The following GNAQ variants were observed in gnomAD, a reference collection of about 807,000 sequenced individuals.
GNAQ encodes G protein subunit alpha q.
A neutral mutation model predicts 43.9 loss-of-function variants in GNAQ; 8 were observed. The observed-to-expected ratio is 0.18, with a 90% CI of 0.11 to 0.33. The LOEUF (loss-of-function observed/expected upper bound fraction) is 0.33, where lower values mean the gene tolerates loss of function less well. GNAQ is among the 10% of genes least tolerant of loss of function. GNAQ has a pLI of 1.00. For synonymous variants in GNAQ, 155 were observed against 170.7 expected (o/e 0.91, Z 0.71); for missense variants, 158 against 450.8 (o/e 0.35, Z 5.88).
At chr9:77,733,204 C>T (rs1825522581) in intron 5 of GNAQ, among the ~76,000 whole-genome samples, 2 of 152,154 alleles carry the variant, frequency 1.3e-5, no homozygotes, top group South Asian at 4.1e-4. Flanking sequence ...GAGTGTTCTA[C>T]CCTGACCAGT....
At chr9:77,976,837 A>G (rs1823309026) in intron 1 of GNAQ, among the ~76,000 whole-genome samples, 1 of 152,232 alleles carries the variant, frequency 6.6e-6, no homozygotes, top group African/African-American at 2.4e-5. Context: ...CCTGCTCTCC[A>G]TACATGGCAA....
At chr9:77,773,165 T>G (rs1053159391) in intron 5 of GNAQ, among the ~76,000 whole-genome samples, 2 of 152,228 alleles carry the variant, frequency 1.3e-5, no homozygotes, top group Non-Finnish European at 2.9e-5. Context: ...TTCTTTATTT[T>G]TCAGCACTTA....
At chr9:77,946,663 T>C (rs1378291195) in intron 1 of GNAQ, among the ~76,000 whole-genome samples, 1 of 152,258 alleles carries the variant, frequency 6.6e-6, no homozygotes, top group African/African-American at 2.4e-5. Flanking sequence ...AAACCTTCTC[T>C]GTATTGTTGT....
intron 1 of GNAQ, among the ~76,000 whole-genome samples, chr9:77,978,120 G>C (rs146634313): frequency 3.9e-5 from 6 of 152,038 alleles, no homozygotes; most frequent in African/African-American, 1.4e-4. Context: ...AGTGTCTCTG[G>C]GCCCATACTC....
chr9:77,858,322 G>A (rs1450732064), intron 2 of GNAQ, among the ~76,000 whole-genome samples: 3 of 152,142 alleles, frequency 2.0e-5, no homozygotes, highest in Non-Finnish European at 4.4e-5. Context: ...TACGTAGTCT[G>A]ACCTAGTTGA....
At chr9:77,857,317 C>T (rs1180886624) in intron 2 of GNAQ, among the ~76,000 whole-genome samples, 1 of 152,180 alleles carries the variant, frequency 6.6e-6, no homozygotes, top group Non-Finnish European at 1.5e-5. Flanking sequence ...CATCTCTTAG[C>T]TTTGTTAAGA....
intron 2 of GNAQ, among the ~76,000 whole-genome samples, chr9:77,835,037 A>G (rs1348877213): frequency 1.3e-5 from 2 of 152,254 alleles, no homozygotes; most frequent in South Asian, 4.2e-4. Context: ...CACAGACAGT[A>G]CTGAATCCTA....
rs547309379 is a variant in GNAQ at position 77,841,884 on chromosome 9, T to C, written c.322-26114A>G. Among the ~76,000 whole-genome samples the C allele has an allele frequency of 1.3e-4, 20 of 152,336 alleles. No homozygotes were observed. The South Asian group carries it at 3.1e-3, about 24-fold the overall frequency. ...GTTTCTTGGTAAGGTAAAACGCTTC[T>C]ATTCTGTGTCTTCAAGTTGGGAGTG... On this transcript the variant is annotated intron_variant, in intron 2 of 6. Coordinates refer to ENST00000286548, the MANE Select transcript of GNAQ (RefSeq NM_002072.5).
In GNAQ at chr9:77,716,602, G is replaced by A. The variant is rs953170956; in HGVS notation, c.*4721C>T. The A allele has an allele frequency of 9.0e-5, 21 of 232,652 alleles. No individual in the cohort carries two copies. Among genetic ancestry groups the A allele is most frequent in the African/African-American group, 2.6e-4 (12 of 45,284 alleles). The allele number at this position is 232,652 out of a possible 1,614,324, so 14.4% of individuals were successfully genotyped here. A position where few individuals can be genotyped will look rare whatever the true frequency, so the allele number is the denominator to read the frequency against. On this transcript the variant is annotated 3_prime_UTR_variant, in exon 7 of 7. Coordinates refer to ENST00000286548, the MANE Select transcript of GNAQ (RefSeq NM_002072.5). ...GTCAAAGTAACCTGGACAAAGTTAC[G>A]TAGTATTATTCCAGCTTTCTTTCCT...
At chr9:77,908,741 T>C (rs1013415027) in intron 2 of GNAQ, among the ~76,000 whole-genome samples, 1 of 152,206 alleles carries the variant, frequency 6.6e-6, no homozygotes, top group Admixed American at 6.5e-5. Flanking sequence ...CTACTGGTGA[T>C]TTCATATTGC....
intron 1 of GNAQ, among the ~76,000 whole-genome samples, chr9:78,009,965 G>C (rs1823754102): frequency 6.6e-6 from 1 of 152,198 alleles, no homozygotes; most frequent in South Asian, 2.1e-4. Context: ...ACTGGTACTG[G>C]TAGAGAAAGT....
At chr9:78,016,368 A>G (rs1823838003) in intron 1 of GNAQ, among the ~76,000 whole-genome samples, 1 of 152,166 alleles carries the variant, frequency 6.6e-6, no homozygotes, top group Admixed American at 6.5e-5. Flanking sequence ...TCTTTCCATA[A>G]AGAAAACCAT....
chr9:77,931,361 G>C (rs1829146637), intron 1 of GNAQ, among the ~76,000 whole-genome samples: 1 of 152,046 alleles, frequency 6.6e-6, no homozygotes, highest in South Asian at 2.1e-4. Context: ...GGGAGGCCGA[G>C]GCGGGCAGAT....
intron 5 of GNAQ, among the ~76,000 whole-genome samples, chr9:77,780,347 A>G (rs1826375015): frequency 6.6e-6 from 1 of 151,790 alleles, no homozygotes; most frequent in South Asian, 2.1e-4. Context: ...TTTCACATAT[A>G]AGCATATGCA....
chr9:77,803,605 A>G (rs1826781410), intron 3 of GNAQ, among the ~76,000 whole-genome samples: 2 of 152,252 alleles, frequency 1.3e-5, no homozygotes, highest in South Asian at 4.1e-4. Flanking sequence ...TGGCCATGAC[A>G]TTATGGTAGA....
rs111499418 is a variant in GNAQ at position 78,014,969 on chromosome 9, A to T, written c.136+16131T>A. Among the ~76,000 whole-genome samples the T allele has an allele frequency of 5.9e-3, 901 of 152,280 alleles. 3 individuals are homozygous for T. Among genetic ancestry groups the T allele is most frequent in the African/African-American group, 0.02 (851 of 41,542 alleles). On this transcript the variant is annotated intron_variant, in intron 1 of 6. Coordinates refer to ENST00000286548, the MANE Select transcript of GNAQ (RefSeq NM_002072.5). ...AACACATTAGTCACATGTTTGTGGTAATACTTGTGTAACAAACCTACCAAG... is the reference window on the plus strand; with the variant it reads ...AACACATTAGTCACATGTTTGTGGTTATACTTGTGTAACAAACCTACCAAG...
intron 1 of GNAQ, among the ~76,000 whole-genome samples, chr9:77,935,810 C>T (rs1036786659): frequency 2.0e-5 from 3 of 152,184 alleles, no homozygotes; most frequent in South Asian, 2.1e-4. Flanking sequence ...AGACGTGCAA[C>T]AAAATGGTAA....
At chr9:78,009,989 T>C (rs542379289) in intron 1 of GNAQ, among the ~76,000 whole-genome samples, 1 of 152,306 alleles carries the variant, frequency 6.6e-6, no homozygotes, top group South Asian at 2.1e-4. Context: ...TGAGTGCCCT[T>C]TGCACTAAAA....
intron 1 of GNAQ, among the ~76,000 whole-genome samples, chr9:77,945,684 G>C (rs1822881043): frequency 6.6e-6 from 1 of 152,128 alleles, no homozygotes; most frequent in African/African-American, 2.4e-5. Context: ...ATTCATTAAA[G>C]CTATTAATAA....
Sources: allele counts gnomAD v4.1 joint callset (sites outside exome capture counted in the v4.1 genomes callset), GRCh38; gene constraint gnomAD v4.1.1; transcripts MANE v1.5; gene names NCBI Gene and HGNC (gene_info 2026-07-23, HGNC 2026-07-21).